Variants in HEPACAM2 observed in about 807,000 individuals in gnomAD.
The protein encoded by HEPACAM2 is mitotic kinetics regulator.
In HEPACAM2, 49 loss-of-function variants were observed where a neutral mutation model predicts 49.6. The ratio of observed to expected loss-of-function variants is 0.99; its 90% CI spans 0.78 to 1.25. The LOEUF (loss-of-function observed/expected upper bound fraction) is 1.25. HEPACAM2 is among the 50% of genes most tolerant of loss of function. The pLI is 0.00. For missense variants in HEPACAM2, 525 were observed against 557.2 expected (o/e 0.94, Z 0.58); for synonymous variants, 197 against 202.9 (o/e 0.97, Z 0.25).
At chr7:93,227,975 A>C, upstream of HEPACAM2, among the ~76,000 whole-genome samples, 1 of 152,234 alleles carries the variant, frequency 6.6e-6, no homozygotes. Flanking sequence ...TAAGAAATAC[A>C]AATAAATTTT....
intron 4 of HEPACAM2, 29 bp from the exon 5 acceptor site, chr7:93,197,639 CA>C (rs761071389): frequency 6.6e-7 from 1 of 1,509,872 alleles, no homozygotes; most frequent in African/African-American, 1.4e-5. Context: ...ATATTTTTAG[CA>C]ATAAATTGCT....
At chr7:93,223,163 G>C (rs1794482365) in intron 1 of HEPACAM2, among the ~76,000 whole-genome samples, 1 of 152,120 alleles carries the variant, frequency 6.6e-6, no homozygotes, top group Non-Finnish European at 1.5e-5. Context: ...CTTGTCATTT[G>C]GGAAAGCCAT....
chr7:93,189,265 G>A lies in HEPACAM2; in HGVS notation c.*2C>T. ...CGAATGTACTGTTTAGCCCATGAAA[G>A]TTCACCTAGTGAAGAGATATACAAA... On this transcript the variant is annotated 3_prime_UTR_variant, in exon 10 of 10. Transcript: ENST00000394468. 1.9e-6 allele frequency: 3 copies of A among 1,595,978 alleles called. No individual in the cohort carries two copies. Among genetic ancestry groups the A allele is most frequent in the Non-Finnish European group, 1.7e-6 (2 of 1,169,070 alleles).
intron 1 of HEPACAM2, among the ~76,000 whole-genome samples, chr7:93,225,099 C>T (rs1025705910): frequency 3.9e-5 from 6 of 152,062 alleles, no homozygotes; most frequent in Admixed American, 6.5e-5. Context: ...AATTCCTTAA[C>T]TAAATTGTCT....
At chr7:93,196,048 T>C (rs1793709554) in intron 7 of HEPACAM2, 147 bp from the exon 8 acceptor site, 5 of 613,840 alleles carry the variant, frequency 8.1e-6, no homozygotes, top group South Asian at 4.0e-5. Flanking sequence ...TATAGTCGTA[T>C]TGCCATTAAG....
intron 4 of HEPACAM2, among the ~76,000 whole-genome samples, chr7:93,198,632 A>G (rs998527842): frequency 1.3e-5 from 2 of 152,120 alleles, no homozygotes; most frequent in African/African-American, 4.8e-5. Context: ...TGAATCAGAT[A>G]TGGGTGTGGA....
At chr7:93,213,849 G>A (rs1370546598) in intron 3 of HEPACAM2, among the ~76,000 whole-genome samples, 1 of 152,026 alleles carries the variant, frequency 6.6e-6, no homozygotes. Context: ...GGATGATGAT[G>A]TCATGAGGCA....
At chr7:93,211,823 G>C (rs1210841277) in intron 3 of HEPACAM2, among the ~76,000 whole-genome samples, 1 of 152,036 alleles carries the variant, frequency 6.6e-6, no homozygotes, top group African/African-American at 2.4e-5. Context: ...GTCTTTCTGA[G>C]AGTAGAGCAA....
At chr7:93,223,192 C>CT (rs1054276772) in intron 1 of HEPACAM2, among the ~76,000 whole-genome samples, 10 of 152,186 alleles carry the variant, frequency 6.6e-5, no homozygotes, top group Middle Eastern at 6.8e-3. Context: ...TCCTTCTCTG[C>CT]TTTTTTTGTA....
chr7:93,189,162 G>T lies in HEPACAM2; in HGVS notation c.*105C>A. ...AAGGAATAATGAGTAAGAGGTGTTG[G>T]TCTTGGTTTCTTCACTGATTCCAGA... On this transcript the variant is annotated 3_prime_UTR_variant, in exon 10 of 10. Coordinates refer to ENST00000394468, the MANE Select transcript of HEPACAM2 (RefSeq NM_001039372.4). 1 of 960,450 alleles carries T rather than the reference G, an allele frequency of 1.0e-6. No homozygotes were observed. The highest frequency in any genetic ancestry group is 1.6e-6 in the Non-Finnish European group (1 of 610,054). 59.5% of individuals were successfully genotyped at this position (960,450 alleles called of 1,614,324 possible). A position where few individuals can be genotyped will look rare whatever the true frequency, so the allele number is the denominator to read the frequency against.
chr7:93,194,698 C>A (rs993964155), intron 8 of HEPACAM2, among the ~76,000 whole-genome samples: 2 of 151,952 alleles, frequency 1.3e-5, no homozygotes, highest in Admixed American at 1.3e-4. Flanking sequence ...AGAGAAGTCA[C>A]GATTCCCTAA....
chr7:93,201,867 C>T (rs1310273695), intron 4 of HEPACAM2, among the ~76,000 whole-genome samples: 1 of 151,906 alleles, frequency 6.6e-6, no homozygotes, highest in African/African-American at 2.4e-5. Context: ...ATTCCAGATT[C>T]TCTACCATCC....
intron 4 of HEPACAM2, among the ~76,000 whole-genome samples, chr7:93,203,590 G>A (rs532502366): frequency 2.7e-4 from 41 of 152,104 alleles, no homozygotes; most frequent in Admixed American, 2.2e-3. Flanking sequence ...TAAACATGAT[G>A]GACTCATGTG....
Position 93,197,405 on chromosome 7 carries a change from C to G in HEPACAM2, c.1139-8G>C. ...CTAGTTTCTGTTTTATAACTAAAAT[C>G]AAGAGAGAAGAAAAATGGTAAGGTT... On this transcript the variant is annotated splice_polypyrimidine_tract_variant and splice_region_variant and intron_variant, in intron 5 of 9. Transcript: ENST00000394468. The G allele has an allele frequency of 2.5e-6, 4 of 1,589,896 alleles. No individual in the cohort carries two copies. Among genetic ancestry groups the G allele is most frequent in the Non-Finnish European group, 3.4e-6 (4 of 1,168,990 alleles).
At chr7:93,225,748 T>C in intron 1 of HEPACAM2, 1 of 406,952 alleles carries the variant, frequency 2.5e-6, no homozygotes, top group South Asian at 8.2e-5. Flanking sequence ...AGGGAAAATA[T>C]TAAGGTAGAA....
At chr7:93,224,564 T>C (rs749408838) in intron 1 of HEPACAM2, among the ~76,000 whole-genome samples, 2 of 152,156 alleles carry the variant, frequency 1.3e-5, no homozygotes, top group Admixed American at 6.6e-5. Flanking sequence ...CCCTCTTACA[T>C]TGTATGACAA....
rs374012488 is a variant in HEPACAM2 at position 93,198,000 on chromosome 7, G to T, written c.1013-390C>A. On this transcript the variant is annotated intron_variant, in intron 4 of 9. Coordinates refer to ENST00000394468, the MANE Select transcript of HEPACAM2 (RefSeq NM_001039372.4). Reference sequence around the variant, plus strand: ...ATTTTGCTTTTTTAGCATAATTCAAGTATGTGAATTTTCTAGGGAGATGGT... The same window carrying T: ...ATTTTGCTTTTTTAGCATAATTCAATTATGTGAATTTTCTAGGGAGATGGT... Among the ~76,000 whole-genome samples, 4 of 151,900 alleles carry T rather than the reference G, an allele frequency of 2.6e-5. No individual in the cohort carries two copies. The East Asian group carries it at 5.8e-4, about 22-fold the overall frequency.
rs756438764 is a variant in HEPACAM2 at position 93,208,844 on chromosome 7, T to A, written c.748A>T (p.Lys250Ter). The A allele has an allele frequency of 6.2e-7, 1 of 1,609,860 alleles. No homozygotes were observed. The highest frequency in any genetic ancestry group is 8.5e-7 in the Non-Finnish European group (1 of 1,177,698). The change falls in exon 4 of 10, where the codon AAA becomes TAA. Residue 250 changes from lysine (K) to a stop codon, truncating the protein, a stop_gained. Coordinates refer to ENST00000394468, the MANE Select transcript of HEPACAM2 (RefSeq NM_001039372.4). LOFTEE classifies it high-confidence loss of function. ...GPYGLQVNSD[K>*]GLKVGEVFTV... ...AACACTTCCCCTACTTTTAGCCCTT[T>A]ATCAGAATTCACTTGAAGTCCATAA...
At chr7:93,228,240 C>T (rs969240718), upstream of HEPACAM2, among the ~76,000 whole-genome samples, 1 of 152,002 alleles carries the variant, frequency 6.6e-6, no homozygotes, top group African/African-American at 2.4e-5. Flanking sequence ...GTTTTTTATT[C>T]TGAGATTTTC....
Sources: gnomAD v4.1 joint callset for allele counts (sites outside exome capture counted in the v4.1 genomes callset) on GRCh38, gnomAD v4.1.1 for gene constraint, MANE v1.5 for transcripts, NCBI Gene and HGNC (gene_info 2026-07-23, HGNC 2026-07-21) for gene names.